Variants in ROBO1 observed in about 807,000 individuals in gnomAD.
ROBO1 encodes the protein roundabout guidance receptor 1, also known as roundabout homolog 1.
A neutral mutation model predicts 195.9 loss-of-function variants in ROBO1; 149 were observed. The ratio of observed to expected loss-of-function variants is 0.76; its 90% CI spans 0.67 to 0.87. The LOEUF is 0.87. ROBO1 is among the 40% of genes least tolerant of loss of function. ROBO1 has a pLI of 0.00. For synonymous variants in ROBO1, 816 were observed against 733.2 expected (o/e 1.11, Z -1.82); for missense variants, 1,933 against 2,068.3 (o/e 0.93, Z 1.27).
chr3:79,590,066 AAAT>A, intron 1 of ROBO1, 105 bp from the exon 2 acceptor site: 1 of 527,528 alleles, frequency 1.9e-6, no homozygotes, highest in Non-Finnish European at 3.4e-6. Flanking sequence ...TCATTTTTTG[AAAT>A]AATGAAACAA....
chr3:79,411,553 A>G lies in ROBO1; in HGVS notation c.88+178271T>C, dbSNP rs557863772. The stretch of plus-strand genomic sequence containing the variant: ...GCTAAGATGCAAGGAATTTTATTAC[A>G]TATCTAGCATTTGAATATCAACAAA... On this transcript the variant is annotated intron_variant, in intron 2 of 30. Transcript: ENST00000464233. 2.6e-5 allele frequency among the ~76,000 whole-genome samples: 4 copies of G among 152,276 alleles called. No individual in the cohort carries two copies. In the South Asian group the frequency reaches 8.3e-4, roughly 32 times the overall value.
chr3:79,017,615 CTATT>C (rs1022070462), intron 3 of ROBO1, among the ~76,000 whole-genome samples: 12 of 152,202 alleles, frequency 7.9e-5, no homozygotes, highest in African/African-American at 2.9e-4. Context: ...TGTATGAAAA[CTATT>C]TACAAGTGTA....
At chr3:78,809,808 G>A (rs1253884264) in intron 4 of ROBO1, among the ~76,000 whole-genome samples, 1 of 146,466 alleles carries the variant, frequency 6.8e-6, no homozygotes, top group East Asian at 2.0e-4. Context: ...CATGGACACA[G>A]GGAGGGGAAC....
chr3:78,699,607 A>AATG (rs2081376686), intron 8 of ROBO1, among the ~76,000 whole-genome samples: 1 of 150,802 alleles, frequency 6.6e-6, no homozygotes, highest in South Asian at 2.1e-4. Context: ...TAATAATAAT[A>AATG]ATACAATTAC....
chr3:78,959,428 A>G (rs1289341076), intron 3 of ROBO1, among the ~76,000 whole-genome samples: 1 of 152,228 alleles, frequency 6.6e-6, no homozygotes, highest in Non-Finnish European at 1.5e-5. Flanking sequence ...CTTGTTTTTT[A>G]TATTAATTTT....
chr3:78,840,874 C>T (rs1380141910), intron 4 of ROBO1, among the ~76,000 whole-genome samples: 8 of 151,916 alleles, frequency 5.3e-5, no homozygotes, highest in African/African-American at 1.9e-4. Flanking sequence ...TCCTGGCTAA[C>T]ATGGTGAAAC....
intron 2 of ROBO1, among the ~76,000 whole-genome samples, chr3:79,341,858 T>G (rs907710940): frequency 3.3e-5 from 5 of 152,192 alleles, no homozygotes; most frequent in Admixed American, 6.5e-5. Flanking sequence ...AGAGGCTTCT[T>G]TTGCGTTTTC....
chr3:79,398,572 A>G (rs984176199), intron 2 of ROBO1, among the ~76,000 whole-genome samples: 2 of 152,090 alleles, frequency 1.3e-5, no homozygotes, highest in Admixed American at 6.6e-5. Context: ...ACTATAAAAA[A>G]CTGGAATTAG....
chr3:79,125,871 G>A (rs2080206541), intron 2 of ROBO1, among the ~76,000 whole-genome samples: 1 of 152,192 alleles, frequency 6.6e-6, no homozygotes, highest in Non-Finnish European at 1.5e-5. Flanking sequence ...ATGGAGGAGG[G>A]AGAGGGCAGG....
At chr3:78,849,629 A>T (rs772053653) in intron 4 of ROBO1, among the ~76,000 whole-genome samples, 1 of 151,652 alleles carries the variant, frequency 6.6e-6, no homozygotes, top group Non-Finnish European at 1.5e-5. Context: ...TATATATATA[A>T]AATCACATCA....
intron 10 of ROBO1, among the ~76,000 whole-genome samples, chr3:78,675,399 G>A (rs2107750033): frequency 6.6e-6 from 1 of 152,254 alleles, no homozygotes; most frequent in Non-Finnish European, 1.5e-5. Flanking sequence ...GGGTCAGGGA[G>A]TTCCCTTTCC....
chr3:78,647,783 G>A, intron 19 of ROBO1, 128 bp from the exon 20 acceptor site: 1 of 817,224 alleles, frequency 1.2e-6, no homozygotes, highest in South Asian at 1.5e-5. Context: ...CAGTAGTTCT[G>A]ACAATCTGAT....
At chr3:78,679,787 C>T (rs1319924997) in intron 10 of ROBO1, among the ~76,000 whole-genome samples, 1 of 152,170 alleles carries the variant, frequency 6.6e-6, no homozygotes, top group Admixed American at 6.6e-5. Context: ...ATGCCATCCC[C>T]ATCAAGCTAC....
chr3:79,450,063 A>G (rs951033579), intron 2 of ROBO1, among the ~76,000 whole-genome samples: 1 of 150,832 alleles, frequency 6.6e-6, no homozygotes, highest in African/African-American at 2.4e-5. Context: ...GTTTTTCAAG[A>G]TTCAGCTTCT....
chr3:79,599,152 G>A (rs1944266752), intron 1 of ROBO1, among the ~76,000 whole-genome samples: 1 of 151,988 alleles, frequency 6.6e-6, no homozygotes, highest in South Asian at 2.1e-4. Context: ...TACAAAATGA[G>A]TATAAGATGG....
intron 28 of ROBO1, among the ~76,000 whole-genome samples, chr3:78,610,914 C>A (rs1575770924): frequency 6.6e-6 from 1 of 152,158 alleles, no homozygotes; most frequent in South Asian, 2.1e-4. Flanking sequence ...GCCTATGAGG[C>A]CAGGGATTAT....
intron 2 of ROBO1, among the ~76,000 whole-genome samples, chr3:79,142,992 A>T (rs2080559714): frequency 6.6e-6 from 1 of 152,136 alleles, no homozygotes; most frequent in African/African-American, 2.4e-5. Flanking sequence ...AAAATGCCTT[A>T]CGTCTTCAAC....
At chr3:79,656,754 G>A (rs1304727593) in intron 1 of ROBO1, among the ~76,000 whole-genome samples, 3 of 151,834 alleles carry the variant, frequency 2.0e-5, no homozygotes, top group Non-Finnish European at 4.4e-5. Context: ...AAAAATAGCT[G>A]AGCATGGTGG....
At chr3:79,723,762 CTTAA>C (rs531876226) in intron 1 of ROBO1, among the ~76,000 whole-genome samples, 73 of 151,226 alleles carry the variant, frequency 4.8e-4, no homozygotes, top group African/African-American at 1.7e-3. Flanking sequence ...TAATATGAAA[CTTAA>C]TTAAACTTAA....
Sources: gnomAD v4.1 joint callset for allele counts (sites outside exome capture counted in the v4.1 genomes callset) on GRCh38, gnomAD v4.1.1 for gene constraint, MANE v1.5 for transcripts, NCBI Gene and HGNC (gene_info 2026-07-23, HGNC 2026-07-21) for gene names.